CPXM2: variants seen among roughly 807,000 people sequenced by gnomAD.
The protein encoded by CPXM2 is inactive carboxypeptidase-like protein X2.
Under a neutral mutation model 86.1 loss-of-function variants are expected in CPXM2, and 66 were observed. The observed-to-expected ratio is 0.77, with a 90% confidence interval of 0.63 to 0.94. The LOEUF (loss-of-function observed/expected upper bound fraction) is 0.94, where lower values mean the gene tolerates loss of function less well. CPXM2 is among the 40% of genes least tolerant of loss of function. The probability of loss-of-function intolerance (pLI) is 0.00; values close to 1 mark genes in which losing one functional copy is unlikely to be tolerated. For missense variants in CPXM2, 948 were observed against 1,026.3 expected, an observed-to-expected ratio of 0.92 and a Z score of 1.04; for synonymous variants, 388 against 400.2, an observed-to-expected ratio of 0.97 and a Z score of 0.36.
At chr10:123,917,426 G>C (rs959169376) in intron 2 of CPXM2, among the ~76,000 whole-genome samples, 7 of 152,208 alleles carry the variant, frequency 4.6e-5, no homozygotes, top group African/African-American at 1.7e-4. Flanking sequence ...GGGAGTTGGA[G>C]AGAGCCTGCG....
Position 123,891,549 on chromosome 10 carries a change from C to T in CPXM2, c.111G>A (p.Gly37=). The stretch of plus-strand genomic sequence containing the variant: ...AGGGCTCCCGGCTCCAGATCTCCTG[C>T]CCGTAATAATCAGGGTCCTCGAGGG... ...GAALEDPDYY[G]QEIWSREPYY... Residue 37 remains glycine, a synonymous_variant, in exon 1 of 14, where the codon GGG becomes GGA. Coordinates refer to ENST00000241305, the MANE Select transcript of CPXM2 (RefSeq NM_198148.3). The surrounding 1 kb of genome is among the most constrained non-coding windows in gnomAD (Gnocchi z 5.6). The T allele has an allele frequency of 6.5e-7, 1 of 1,548,320 alleles. No homozygotes were observed. Among genetic ancestry groups the T allele is most frequent in the Non-Finnish European group, 8.7e-7 (1 of 1,145,580 alleles).
At chr10:123,852,954 C>A (rs1848635955) in intron 3 of CPXM2, among the ~76,000 whole-genome samples, 1 of 152,152 alleles carries the variant, frequency 6.6e-6, no homozygotes, top group Admixed American at 6.5e-5. Context: ...GTTACATTTC[C>A]TGCTGATGTA....
upstream of CPXM2, among the ~76,000 whole-genome samples, chr10:123,943,822 G>T (rs1945799411): frequency 1.3e-5 from 2 of 152,160 alleles, no homozygotes; most frequent in African/African-American, 4.8e-5. Context: ...GGACACCACT[G>T]TCCTGGTCCT....
At chr10:123,904,729 C>T (rs919605516) in intron 2 of CPXM2, among the ~76,000 whole-genome samples, 1 of 152,170 alleles carries the variant, frequency 6.6e-6, no homozygotes, top group African/African-American at 2.4e-5. Flanking sequence ...CTTTTCTGGC[C>T]AAGTTCAGTA....
intron 3 of CPXM2, among the ~76,000 whole-genome samples, chr10:123,861,579 C>CA (rs747173391): frequency 6.6e-6 from 1 of 151,992 alleles, no homozygotes; most frequent in Non-Finnish European, 1.5e-5. Context: ...CAGGTGGGCC[C>CA]GGTGTAATCT....
At chr10:123,796,987 G>A (rs1389751532) in intron 6 of CPXM2, among the ~76,000 whole-genome samples, 1 of 152,254 alleles carries the variant, frequency 6.6e-6, no homozygotes, top group Middle Eastern at 3.2e-3. Context: ...TGGTCAGGAT[G>A]AAGAGGCTGC....
intron 6 of CPXM2, among the ~76,000 whole-genome samples, chr10:123,789,862 T>C (rs1197127432): frequency 6.6e-6 from 1 of 151,946 alleles, no homozygotes; most frequent in Non-Finnish European, 1.5e-5. Context: ...CTCACACCTG[T>C]AATCCCAGCA....
chr10:123,890,234 T>C (rs148837744), intron 1 of CPXM2, among the ~76,000 whole-genome samples: 91 of 152,340 alleles, frequency 6.0e-4, no homozygotes, highest in African/African-American at 2.1e-3. Context: ...CCTGAAACAC[T>C]GGAAATTCTG....
chr10:123,857,744 A>G (rs981777081), intron 3 of CPXM2, among the ~76,000 whole-genome samples: 3 of 152,244 alleles, frequency 2.0e-5, no homozygotes, highest in African/African-American at 7.2e-5. Flanking sequence ...GCACCAGCAC[A>G]GGCCCCACTG....
At chr10:123,797,149 C>G (rs1170264093) in intron 6 of CPXM2, among the ~76,000 whole-genome samples, 1 of 152,226 alleles carries the variant, frequency 6.6e-6, no homozygotes, top group Admixed American at 6.5e-5. Flanking sequence ...CCCCAAATAT[C>G]TCATGTGAAA....
At chr10:123,775,200 T>C (rs532744935) in intron 7 of CPXM2, among the ~76,000 whole-genome samples, 247 of 152,344 alleles carry the variant, frequency 1.6e-3, no homozygotes, top group Non-Finnish European at 3.0e-3. Flanking sequence ...TTGTTTTATT[T>C]GCTGCACACT....
chr10:123,937,470 AACACACACACACACACACACACACACAC>A (rs201368456), intron 2 of CPXM2, among the ~76,000 whole-genome samples: 18 of 132,588 alleles, frequency 1.4e-4, no homozygotes, highest in Admixed American at 3.8e-4. Flanking sequence ...ACAACAAAAC[AACACACACACACACACACACACACACAC>A]ACACACACAC....
chr10:123,798,195 T>A, intron 5 of CPXM2, 69 bp from the exon 6 acceptor site: 2 of 1,379,552 alleles, frequency 1.4e-6, no homozygotes, highest in Admixed American at 4.5e-5. Flanking sequence ...AAAGTCAGAA[T>A]TCACTCATTC....
At position 123,793,462 on chromosome 10, in the gene CPXM2, CAAAAAAAAAA is replaced by C. The variant is rs34757620; in HGVS notation, c.889+4504_889+4513del. ...TGGGCGACAGAGCGAGACTCCGTCT[CAAAAAAAAAA>C]AAAAAAAAAAAAAAAAAAGTGGAAT... On this transcript the variant is annotated intron_variant, in intron 6 of 13. Coordinates refer to ENST00000241305, the MANE Select transcript of CPXM2 (RefSeq NM_198148.3). 2.7e-4 allele frequency among the ~76,000 whole-genome samples: 16 copies of C among 59,260 alleles called. No individual in the cohort carries two copies. In the East Asian group the frequency reaches 7.4e-3, roughly 28 times the overall value. The allele number at this position is 59,260 out of a possible 152,430, so 38.9% of individuals were successfully genotyped here.
intron 4 of CPXM2, among the ~76,000 whole-genome samples, chr10:123,803,118 CTTTTTTTTTTTTTTTTTT>C (rs532954173): frequency 7.9e-5 from 5 of 63,634 alleles, no homozygotes; most frequent in Non-Finnish European, 1.5e-4. Context: ...TTGTAGTACC[CTTTTTTTTTTTTTTTTTT>C]TTTTTTTTTT....
At chr10:123,881,266 T>TTCCCTTCCCTTC (rs1945088682) in intron 1 of CPXM2, among the ~76,000 whole-genome samples, 2 of 57,060 alleles carry the variant, frequency 3.5e-5, no homozygotes, top group Admixed American at 2.8e-4. Flanking sequence ...CCCTTCCCTT[T>TTCCCTTCCCTTC]ACGCTCAAGC....
At chr10:123,844,541 G>A (rs1376612176) in intron 3 of CPXM2, among the ~76,000 whole-genome samples, 1 of 152,116 alleles carries the variant, frequency 6.6e-6, no homozygotes, top group Non-Finnish European at 1.5e-5. Context: ...GAGAAAACCT[G>A]ATACTGTCTA....
intron 2 of CPXM2, among the ~76,000 whole-genome samples, chr10:123,932,994 G>A (rs77271995): frequency 0.074 from 11,212 of 152,230 alleles, 730 homozygotes; most frequent in East Asian, 0.37. Context: ...CACTAGAGTT[G>A]GGCCCTGTAG....
At chr10:123,833,457 G>A (rs867499061) in intron 4 of CPXM2, among the ~76,000 whole-genome samples, 1 of 152,240 alleles carries the variant, frequency 6.6e-6, no homozygotes, top group Non-Finnish European at 1.5e-5. Context: ...TGGAGGCACT[G>A]GGGGTGCTGG....
Sources: allele counts gnomAD v4.1 joint callset (sites outside exome capture counted in the v4.1 genomes callset), GRCh38; gene constraint gnomAD v4.1.1; non-coding constraint Gnocchi (gnomAD v3.1); transcripts MANE v1.5; gene names NCBI Gene and HGNC (gene_info 2026-07-23, HGNC 2026-07-21).